Variants in BNIP3L observed in about 807,000 individuals in gnomAD.
BNIP3L encodes BCL2/adenovirus E1B 19 kDa protein-interacting protein 3-like.
Under a neutral mutation model 25.5 loss-of-function variants are expected in BNIP3L, and 10 were observed. The observed-to-expected ratio is 0.39, with a 90% CI of 0.24 to 0.67. BNIP3L has a LOEUF of 0.67. Among genes scored for constraint, BNIP3L ranks in the 30% least tolerant of loss-of-function variants. The pLI is 0.45. For missense variants in BNIP3L, 215 were observed against 270.9 expected, an observed-to-expected ratio of 0.79 and a Z score of 1.45; for synonymous variants, 113 against 101.2, an observed-to-expected ratio of 1.12 and a Z score of -0.70.
intron 3 of BNIP3L, chr8:26,395,506 G>A (rs1171807556): frequency 3.5e-5 from 19 of 538,926 alleles, no homozygotes; most frequent in Non-Finnish European, 5.8e-5. Context: ...CACTCTAAAC[G>A]AATTGGAAAA....
chr8:26,395,132 C>A, intron 2 of BNIP3L, 98 bp from the exon 3 acceptor site: 1 of 1,242,532 alleles, frequency 8.0e-7, no homozygotes, highest in Non-Finnish European at 1.1e-6. Flanking sequence ...TTTTCAAAGC[C>A]ATACTGCTGT....
chr8:26,385,564 C>T (rs1384876201), intron 1 of BNIP3L, among the ~76,000 whole-genome samples: 2 of 148,270 alleles, frequency 1.3e-5, no homozygotes, highest in African/African-American at 5.0e-5. Context: ...GATCACGCCA[C>T]TGCACTCCAG....
At chr8:26,383,313 C>T (rs1805898827) in intron 1 of BNIP3L, 83 bp downstream of exon 1, 1 of 1,533,810 alleles carries the variant, frequency 6.5e-7, no homozygotes. Flanking sequence ...GCGCGGGAGG[C>T]GGGAGGAGAA....
Position 26,391,408 on chromosome 8 carries a change from G to A in BNIP3L, c.266G>A (p.Gly89Asp). The A allele has an allele frequency of 6.4e-7, 1 of 1,559,150 alleles. No homozygotes were observed. Among genetic ancestry groups the A allele is most frequent in the South Asian group, 1.2e-5 (1 of 83,002 alleles). ...QHESGQSSSRGSSHCDSPSPQ... is the reference protein window; with the variant it reads ...QHESGQSSSRDSSHCDSPSPQ... ...GAATCAGGACAGAGTAGTTCCAGAG[G>A]CAGTTCTCACTGTGACAGGTAAGTG... Residue 89 changes from glycine to aspartate, a missense_variant, in exon 2 of 6, where the codon GGC becomes GAC. Gly to Asp is a moderately conservative substitution (Grantham distance 94). Transcript: ENST00000380629.
intron 3 of BNIP3L, among the ~76,000 whole-genome samples, chr8:26,405,813 C>T (rs1451127232): frequency 2.6e-5 from 4 of 152,098 alleles, no homozygotes; most frequent in African/African-American, 9.7e-5. Context: ...GAGGCTGAGG[C>T]GTGTAGATCA....
intron 3 of BNIP3L, among the ~76,000 whole-genome samples, chr8:26,407,534 G>A (rs1221283618): frequency 6.6e-6 from 1 of 151,028 alleles, no homozygotes; most frequent in Non-Finnish European, 1.5e-5. Context: ...TACCATGTTG[G>A]CCAGGCTGGT....
intron 5 of BNIP3L, 66 bp from the exon 6 acceptor site, chr8:26,410,298 A>T: frequency 6.3e-7 from 1 of 1,585,578 alleles, no homozygotes; most frequent in South Asian, 1.1e-5. Flanking sequence ...GTAGAGTTCA[A>T]CCTGTGGACA....
intron 3 of BNIP3L, among the ~76,000 whole-genome samples, chr8:26,407,640 T>A (rs1304763630): frequency 6.6e-6 from 1 of 152,134 alleles, no homozygotes; most frequent in Non-Finnish European, 1.5e-5. Flanking sequence ...ATTACGAAAA[T>A]TTTAAGTGCA....
At chr8:26,398,794 C>T (rs1054648829) in intron 3 of BNIP3L, among the ~76,000 whole-genome samples, 21 of 152,224 alleles carry the variant, frequency 1.4e-4, no homozygotes, top group Middle Eastern at 3.4e-3. Context: ...AACACCTCTA[C>T]GCAAATAAAC....
intron 1 of BNIP3L, among the ~76,000 whole-genome samples, chr8:26,387,314 T>C (rs1179733663): frequency 6.6e-6 from 1 of 152,250 alleles, no homozygotes; most frequent in East Asian, 1.9e-4. Flanking sequence ...AAATATCTCA[T>C]GTCATTGTAT....
intron 2 of BNIP3L, among the ~76,000 whole-genome samples, chr8:26,391,947 C>G (rs1317605305): frequency 6.6e-6 from 1 of 152,130 alleles, no homozygotes; most frequent in Non-Finnish European, 1.5e-5. Context: ...CACGTTATAG[C>G]AATATTTGCA....
chr8:26,405,029 A>G (rs947802410), intron 3 of BNIP3L, among the ~76,000 whole-genome samples: 1 of 152,184 alleles, frequency 6.6e-6, no homozygotes, highest in Admixed American at 6.5e-5. Flanking sequence ...AAGTATTGTA[A>G]GTTGGGAAAC....
intron 3 of BNIP3L, 103 bp from the exon 4 acceptor site, chr8:26,407,897 G>T: frequency 1.0e-6 from 1 of 1,002,194 alleles, no homozygotes. Flanking sequence ...AAATTTCTGA[G>T]ACACAACCTT....
intron 3 of BNIP3L, among the ~76,000 whole-genome samples, chr8:26,401,066 G>T (rs796346638): frequency 7.9e-6 from 1 of 127,262 alleles, no homozygotes; most frequent in East Asian, 2.3e-4. Flanking sequence ...CCATTACTGG[G>T]TATATACCCA....
chr8:26,386,484 G>A (rs1315624399), intron 1 of BNIP3L, among the ~76,000 whole-genome samples: 1 of 152,000 alleles, frequency 6.6e-6, no homozygotes, highest in African/African-American at 2.4e-5. Context: ...ACCCAAACTG[G>A]AGTGCAGTGG....
At chr8:26,400,260 G>A (rs1036240862) in intron 3 of BNIP3L, among the ~76,000 whole-genome samples, 4 of 151,076 alleles carry the variant, frequency 2.6e-5, no homozygotes, top group South Asian at 2.1e-4. Flanking sequence ...AAATAACGCC[G>A]CTTACCTACA....
At chr8:26,400,531 A>G (rs1389044769) in intron 3 of BNIP3L, among the ~76,000 whole-genome samples, 3 of 138,404 alleles carry the variant, frequency 2.2e-5, no homozygotes, top group Non-Finnish European at 4.6e-5. Context: ...CAAAACACCA[A>G]AAGCAATGGC....
chr8:26,403,204 T>G (rs1163495448), intron 3 of BNIP3L, among the ~76,000 whole-genome samples: 1 of 152,156 alleles, frequency 6.6e-6, no homozygotes, highest in South Asian at 2.1e-4. Context: ...CTGTGAGAGA[T>G]AACAGTTGAG....
chr8:26,391,209 C>T lies in BNIP3L; in HGVS notation c.101-34C>T, dbSNP rs1402575378. 3.9e-6 allele frequency: 6 copies of T among 1,539,968 alleles called. No individual in the cohort carries two copies. In the South Asian group the frequency reaches 5.1e-5, roughly 13 times the overall value. The stretch of plus-strand genomic sequence containing the variant: ...TGTGTGCACATGACAGATTTCAGTT[C>T]TGCTGTGGTTAACTTATCTGACTTG... On this transcript the variant is annotated intron_variant, in intron 1 of 5. Coordinates refer to ENST00000380629, the MANE Select transcript of BNIP3L (RefSeq NM_004331.3).
Sources: allele counts gnomAD v4.1 joint callset (sites outside exome capture counted in the v4.1 genomes callset), GRCh38; gene constraint gnomAD v4.1.1; transcripts MANE v1.5; gene names NCBI Gene and HGNC (gene_info 2026-07-23, HGNC 2026-07-21).